SYMPK: variants seen among roughly 807,000 people sequenced by gnomAD.
SYMPK encodes symplekin.
Under a neutral mutation model 136.4 loss-of-function variants are expected in SYMPK, and 49 were observed. The ratio of observed to expected loss-of-function variants is 0.36; its 90% CI spans 0.29 to 0.46. SYMPK has a LOEUF of 0.46. SYMPK is among the 20% of genes least tolerant of loss of function. The probability of loss-of-function intolerance (pLI) is 1.00; values close to 1 mark genes in which losing one functional copy is unlikely to be tolerated. For synonymous variants in SYMPK, 766 were observed against 713.0 expected (o/e 1.07, Z -1.19); for missense variants, 1,365 against 1,690.0 (o/e 0.81, Z 3.37).
At chr19:45,823,351 A>G (rs774574008) in intron 20 of SYMPK, 21 bp downstream of exon 20, 6 of 1,612,188 alleles carry the variant, frequency 3.7e-6, no homozygotes. Flanking sequence ...AGCAGGGACA[A>G]ACAGGCCTCC....
intron 9 of SYMPK, among the ~76,000 whole-genome samples, chr19:45,841,214 C>T (rs770818803): frequency 3.9e-5 from 6 of 152,092 alleles, no homozygotes; most frequent in Non-Finnish European, 8.8e-5. Flanking sequence ...GAACTCCTGA[C>T]CTCAGGTGAT....
In SYMPK at chr19:45,827,923, CAG is replaced by C; in HGVS notation, c.1986-7_1986-6del. ...AGCACAACCTTGGTGAAGATCCTGC[CAG>C]AGATGGAGGGAGGGCCATGGCTGCA... On this transcript the variant is annotated splice_polypyrimidine_tract_variant and splice_region_variant and intron_variant, in intron 14 of 26. Transcript: ENST00000245934. 6.2e-7 allele frequency: 1 copy of C among 1,613,662 alleles called. No individual in the cohort carries two copies. Among genetic ancestry groups the C allele is most frequent in the South Asian group, 1.1e-5 (1 of 91,060 alleles).
chr19:45,816,656 C>T (rs1419358195), intron 24 of SYMPK, 79 bp from the exon 25 acceptor site: 2 of 1,581,838 alleles, frequency 1.3e-6, no homozygotes, highest in Admixed American at 1.8e-5. Flanking sequence ...GTCCGGGGGC[C>T]CTAACCCTCC....
chr19:45,834,893 C>T (rs1199579842), intron 11 of SYMPK, among the ~76,000 whole-genome samples, 185 bp downstream of exon 11: 2 of 152,238 alleles, frequency 1.3e-5, no homozygotes, highest in African/African-American at 4.8e-5. Context: ...AAACCCAGGT[C>T]TGTTGGATTC....
At chr19:45,831,706 C>A in intron 11 of SYMPK, 118 bp from the exon 12 acceptor site, 1 of 712,148 alleles carries the variant, frequency 1.4e-6, no homozygotes, top group Non-Finnish European at 2.2e-6. Context: ...TCGTTTAAAT[C>A]CACACAACAC....
intron 21 of SYMPK, among the ~76,000 whole-genome samples, chr19:45,822,177 G>A (rs949126459): frequency 4.9e-5 from 7 of 143,306 alleles, no homozygotes; most frequent in South Asian, 4.5e-4. Flanking sequence ...GGAGTGCACT[G>A]GCACGATCTC....
intron 3 of SYMPK, among the ~76,000 whole-genome samples, chr19:45,852,769 T>C (rs773070583): frequency 7.2e-5 from 11 of 152,062 alleles, no homozygotes; most frequent in Non-Finnish European, 1.6e-4. Context: ...AAAGGGATGT[T>C]AGGAGGCTAC....
At chr19:45,862,162 T>G (rs1971981913) in intron 1 of SYMPK, 1 of 152,206 alleles carries the variant, frequency 6.6e-6, no homozygotes, top group Admixed American at 6.5e-5. Context: ...TTTATCTACC[T>G]CATTCCTTTT....
chr19:45,823,223 G>A, intron 20 of SYMPK, 149 bp downstream of exon 20: 1 of 783,678 alleles, frequency 1.3e-6, no homozygotes, highest in East Asian at 2.7e-5. Flanking sequence ...GGTGTCGGCG[G>A]CTTCCATGAC....
chr19:45,851,181 G>C (rs1247417139), intron 5 of SYMPK, among the ~76,000 whole-genome samples: 1 of 152,214 alleles, frequency 6.6e-6, no homozygotes, highest in Non-Finnish European at 1.5e-5. Context: ...GAGTGCAAGA[G>C]TGGAAGCGGG....
chr19:45,830,500 G>T, intron 12 of SYMPK: 2 of 361,824 alleles, frequency 5.5e-6, no homozygotes, highest in Non-Finnish European at 5.3e-6. Context: ...CCAGGCAAAG[G>T]CCCTTAGGTG....
At chr19:45,843,615 C>A (rs375609116) in intron 8 of SYMPK, among the ~76,000 whole-genome samples, 4 of 152,116 alleles carry the variant, frequency 2.6e-5, no homozygotes, top group African/African-American at 9.7e-5. Context: ...GGATGACTAG[C>A]GCTCGGGGTC....
chr19:45,823,955 C>T (rs923134270), intron 18 of SYMPK, 80 bp from the exon 19 acceptor site: 36 of 1,107,458 alleles, frequency 3.3e-5, no homozygotes, highest in African/African-American at 1.2e-4. Context: ...GGGTGGCTTG[C>T]GGGGCATGCT....
chr19:45,834,346 C>G (rs1358667210), intron 11 of SYMPK, among the ~76,000 whole-genome samples: 1 of 151,970 alleles, frequency 6.6e-6, no homozygotes. Flanking sequence ...GTAGTCCCAG[C>G]TACTCGGGAG....
At chr19:45,834,996 G>A (rs1971270737) in intron 11 of SYMPK, 82 bp downstream of exon 11, 1 of 1,315,898 alleles carries the variant, frequency 7.6e-7, no homozygotes, top group Non-Finnish European at 1.0e-6. Flanking sequence ...ACTGCACCAC[G>A]AGAAGTTGCT....
chr19:45,859,815 G>A (rs1377077011), intron 1 of SYMPK, among the ~76,000 whole-genome samples: 1 of 151,306 alleles, frequency 6.6e-6, no homozygotes, highest in African/African-American at 2.4e-5. Flanking sequence ...GCTGAAGCAG[G>A]AAGAGTACTT....
In SYMPK at chr19:45,829,098, G is replaced by A; in HGVS notation, c.1857C>T (p.Ala619=). ...TGTACTCCTGGTAGAGCCAGGCGAA[G>A]GCCAGGTCCAGGCGGGCCCGCACAT... ...LEDVRARLDL[A]FAWLYQEYNA... The change falls in exon 14 of 27, where the codon GCC becomes GCT. Residue 619 remains alanine, a synonymous_variant. Transcript: ENST00000245934. 2 of 1,614,228 alleles carry A rather than the reference G, an allele frequency of 1.2e-6. No individual in the cohort carries two copies. The highest frequency in any genetic ancestry group is 2.2e-5 in the East Asian group (1 of 44,890).
chr19:45,844,260 G>A, intron 7 of SYMPK, 60 bp from the exon 8 acceptor site: 3 of 1,401,480 alleles, frequency 2.1e-6, no homozygotes, highest in Non-Finnish European at 2.9e-6. Context: ...TCTGGAGACA[G>A]CAGCTTTTGG....
chr19:45,841,020 C>G (rs545776228), intron 9 of SYMPK, among the ~76,000 whole-genome samples: 82 of 151,318 alleles, frequency 5.4e-4, no homozygotes, highest in African/African-American at 1.8e-3. Flanking sequence ...GAGTCTTGCT[C>G]TGTCACCCAG....
Sources: allele counts gnomAD v4.1 joint callset (sites outside exome capture counted in the v4.1 genomes callset), GRCh38; gene constraint gnomAD v4.1.1; transcripts MANE v1.5; gene names NCBI Gene and HGNC (gene_info 2026-07-23, HGNC 2026-07-21).